The following ASIC2 variants were observed in gnomAD, a reference collection of about 807,000 sequenced individuals.
ASIC2 encodes the protein acid-sensing ion channel 2.
In ASIC2, 25 loss-of-function variants were observed where a neutral mutation model predicts 57.3. The observed-to-expected ratio is 0.44, with a 90% CI of 0.32 to 0.61. The LOEUF is 0.61. ASIC2 is among the 20% of genes least tolerant of loss of function. ASIC2 has a pLI of 0.06. For synonymous variants in ASIC2, 319 were observed against 307.5 expected (o/e 1.04, Z -0.39); for missense variants, 641 against 738.1 (o/e 0.87, Z 1.52).
rs1431373568 is a variant in ASIC2 at position 34,038,347 on chromosome 17, A to G, written c.555+117631T>C. 30 of 1,610,626 alleles carry G rather than the reference A, an allele frequency of 1.9e-5. No homozygotes were observed. In the South Asian group the frequency reaches 3.3e-4, roughly 18 times the overall value. On this transcript the variant is annotated intron_variant, in intron 1 of 9. Coordinates refer to the ASIC2 transcript ENST00000359872. ...ACGAGTCAGTATCCAGTGAAAAGTA[A>G]TCATACAGCTTAACTATTCTGGGAT...
At chr17:34,000,732 G>C (rs1906313405) in intron 1 of ASIC2, 1 of 152,070 alleles carries the variant, frequency 6.6e-6, no homozygotes, top group Non-Finnish European at 1.5e-5. Flanking sequence ...TTGCTTGATG[G>C]TATCCCCCAC....
chr17:33,198,563 G>C (rs1906731311), intron 1 of ASIC2, among the ~76,000 whole-genome samples: 1 of 152,212 alleles, frequency 6.6e-6, no homozygotes, highest in Non-Finnish European at 1.5e-5. Flanking sequence ...CCTGCACATG[G>C]TGACTGATCC....
chr17:33,994,268 G>C (rs1597966176), intron 1 of ASIC2, among the ~76,000 whole-genome samples: 1 of 152,300 alleles, frequency 6.6e-6, no homozygotes, highest in Middle Eastern at 3.4e-3. Context: ...CAAATTATAA[G>C]AAGAGCCATG....
chr17:33,645,777 C>A (rs1906720380), intron 1 of ASIC2, among the ~76,000 whole-genome samples: 1 of 152,084 alleles, frequency 6.6e-6, no homozygotes, highest in African/African-American at 2.4e-5. Context: ...GGCATTGGTT[C>A]CACCTTATTC....
chr17:33,268,106 C>A (rs1909540229), intron 1 of ASIC2, among the ~76,000 whole-genome samples: 2 of 152,150 alleles, frequency 1.3e-5, no homozygotes, highest in South Asian at 4.1e-4. Flanking sequence ...TTCATTCATT[C>A]CAGGGACAGC....
At chr17:33,186,430 G>T (rs1010525090) in intron 1 of ASIC2, among the ~76,000 whole-genome samples, 1 of 151,990 alleles carries the variant, frequency 6.6e-6, no homozygotes, top group Non-Finnish European at 1.5e-5. Context: ...ATCTTAATGG[G>T]CATTTCTCGC....
At chr17:33,989,419 T>TTAGGA (rs1905933614) in intron 1 of ASIC2, among the ~76,000 whole-genome samples, 7 of 151,982 alleles carry the variant, frequency 4.6e-5, no homozygotes, top group Admixed American at 3.9e-4. Context: ...GGAAATGGAC[T>TTAGGA]AATTTCCAGG....
At chr17:34,010,441 A>G (rs1283054046) in intron 1 of ASIC2, among the ~76,000 whole-genome samples, 1 of 152,190 alleles carries the variant, frequency 6.6e-6, no homozygotes, top group South Asian at 2.1e-4. Flanking sequence ...TCTGGAGACC[A>G]AAGTGCAGCT....
intron 1 of ASIC2, among the ~76,000 whole-genome samples, chr17:33,418,162 C>A (rs1910925604): frequency 6.6e-6 from 1 of 151,650 alleles, no homozygotes; most frequent in Non-Finnish European, 1.5e-5. Context: ...TGCCAGTCAT[C>A]TTTGGGAATA....
At chr17:33,442,185 T>C (rs1013007526) in intron 1 of ASIC2, among the ~76,000 whole-genome samples, 1 of 152,254 alleles carries the variant, frequency 6.6e-6, no homozygotes, top group Non-Finnish European at 1.5e-5. Context: ...TGTGGATTTA[T>C]AGTATGTTTT....
chr17:33,144,216 T>C (rs1904452926), intron 1 of ASIC2, among the ~76,000 whole-genome samples: 1 of 151,646 alleles, frequency 6.6e-6, no homozygotes, highest in Admixed American at 6.6e-5. Context: ...GACTGCTCAG[T>C]TTCTTTTTGG....
intron 1 of ASIC2, among the ~76,000 whole-genome samples, chr17:33,568,702 C>A (rs1005757373): frequency 5.3e-5 from 8 of 152,164 alleles, no homozygotes; most frequent in Non-Finnish European, 1.2e-4. Context: ...TATATACATA[C>A]CTATCTCTCT....
intron 1 of ASIC2, among the ~76,000 whole-genome samples, chr17:33,943,427 T>C (rs1359810516): frequency 6.6e-6 from 1 of 152,200 alleles, no homozygotes; most frequent in Non-Finnish European, 1.5e-5. Context: ...GACATTTGCA[T>C]GGCACTTTAT....
chr17:34,074,641 C>T (rs140550394), intron 1 of ASIC2, among the ~76,000 whole-genome samples: 91 of 152,238 alleles, frequency 6.0e-4, no homozygotes, highest in African/African-American at 2.0e-3. Context: ...TTTGCTTTAG[C>T]CCCTACAGAG....
rs1320957442 is a variant in ASIC2, at chr17:33,117,181, C to CT, written c.709-5115dup. ...ATTCCTCATTCTTCTTCCTCTTCTTCTTTTTTTTTGAGACAGAGTCTCACT... is the reference window on the plus strand; with the variant it reads ...ATTCCTCATTCTTCTTCCTCTTCTTCTTTTTTTTTTGAGACAGAGTCTCACT... On this transcript the variant is annotated intron_variant, in intron 1 of 9. Transcript: ENST00000225823. Among the ~76,000 whole-genome samples, 9 of 147,962 alleles carry CT rather than the reference C, an allele frequency of 6.1e-5. No individual in the cohort carries two copies. The South Asian group carries it at 1.1e-3, about 18-fold the overall frequency.
At chr17:34,019,743 T>A (rs768098384) in intron 1 of ASIC2, among the ~76,000 whole-genome samples, 12 of 152,244 alleles carry the variant, frequency 7.9e-5, no homozygotes, top group Non-Finnish European at 1.6e-4. Flanking sequence ...GACATTTGCT[T>A]TATTGTGGTG....
intron 1 of ASIC2, among the ~76,000 whole-genome samples, chr17:33,889,157 T>G (rs1328564942): frequency 6.6e-6 from 1 of 152,132 alleles, no homozygotes; most frequent in Non-Finnish European, 1.5e-5. Flanking sequence ...AAATGCCAAA[T>G]AGATCAGTTT....
chr17:33,491,762 T>A (rs1266924504), intron 1 of ASIC2, among the ~76,000 whole-genome samples: 1 of 152,196 alleles, frequency 6.6e-6, no homozygotes, highest in Admixed American at 6.5e-5. Flanking sequence ...CTAGAGGGTC[T>A]CTGTCTGATG....
chr17:34,119,547 G>GTTTGCCTAAATT (rs557951714), intron 1 of ASIC2, among the ~76,000 whole-genome samples: 189 of 152,022 alleles, frequency 1.2e-3, no homozygotes, highest in African/African-American at 4.4e-3. Flanking sequence ...ATGCCTGAAT[G>GTTTGCCTAAATT]TGACTCATTC....
Sources: gnomAD v4.1 joint callset for allele counts (sites outside exome capture counted in the v4.1 genomes callset) on GRCh38, gnomAD v4.1.1 for gene constraint, MANE v1.5 for transcripts, NCBI Gene and HGNC (gene_info 2026-07-23, HGNC 2026-07-21) for gene names.